Variants in EVI5L observed in about 807,000 individuals in gnomAD.
EVI5L encodes the protein EVI5-like protein.
Under a neutral mutation model 106.1 loss-of-function variants are expected in EVI5L, and 30 were observed. That is an observed-to-expected ratio of 0.28 (90% CI 0.21 to 0.38). EVI5L has a LOEUF of 0.38. Among genes scored for constraint, EVI5L ranks in the 10% least tolerant of loss-of-function variants. EVI5L has a pLI of 1.00. For missense variants in EVI5L, 809 were observed against 1,098.0 expected (o/e 0.74, Z 3.72); for synonymous variants, 489 against 483.3 (o/e 1.01, Z -0.15).
chr19:7,834,670 G>A (rs907817010), intron 1 of EVI5L, among the ~76,000 whole-genome samples: 6 of 152,160 alleles, frequency 3.9e-5, no homozygotes, highest in African/African-American at 1.4e-4. Context: ...CCAATAGTGG[G>A]CTAGACAGCC....
intron 1 of EVI5L, among the ~76,000 whole-genome samples, chr19:7,840,582 C>T (rs550303405): frequency 2.2e-4 from 33 of 152,342 alleles, no homozygotes; most frequent in African/African-American, 7.9e-4. Flanking sequence ...ATTTCTATCA[C>T]CCCAAAAAGA....
chr19:7,863,515 C>T lies in EVI5L; in HGVS notation c.2231C>T (p.Pro744Leu). 2 of 1,593,446 alleles carry T rather than the reference C, an allele frequency of 1.3e-6. No individual in the cohort carries two copies. The highest frequency in any genetic ancestry group is 2.3e-5 in the East Asian group (1 of 43,622). The change falls in exon 20 of 20, where the codon CCG becomes CTG. Residue 744 changes from proline to leucine, a missense_variant. Pro to Leu is a moderately conservative substitution (Grantham distance 98). This residue lies in a region of EVI5L where 452 missense variants were observed against 509.9 expected (regional missense o/e 0.89). Coordinates refer to ENST00000538904, the MANE Select transcript of EVI5L (RefSeq NM_001159944.3). This position sits in a 1 kb window ranked among gnomAD's most constrained non-coding sequence, Gnocchi z 7.7. ...LARHLDEDSL[P>L]SSDEELLGVG... ...CGGCACTTGGACGAGGACTCGCTGC[C>T]GTCGTCGGACGAGGAGCTACTTGGC...
At chr19:7,833,061 T>C (rs754212426) in intron 1 of EVI5L, among the ~76,000 whole-genome samples, 34 of 152,206 alleles carry the variant, frequency 2.2e-4, no homozygotes, top group Non-Finnish European at 3.7e-4. Context: ...CCAGGATGAC[T>C]GTGAACTCTA....
intron 10 of EVI5L, 190 bp downstream of exon 10, chr19:7,853,523 C>T (rs1232017593): frequency 2.8e-6 from 2 of 708,016 alleles, no homozygotes; most frequent in Admixed American, 2.8e-5. Context: ...GCGCCTCCCC[C>T]GCCTGACGCC....
intron 1 of EVI5L, among the ~76,000 whole-genome samples, chr19:7,839,252 G>A (rs916970366): frequency 6.7e-5 from 10 of 149,076 alleles, no homozygotes; most frequent in Middle Eastern, 3.8e-3. Context: ...GCAGTGAGCC[G>A]AGATCGCGCC....
rs369898478 is a variant in EVI5L, at chr19:7,851,629, G to A, written c.897+52G>A. On this transcript the variant is annotated intron_variant, in intron 7 of 19. Coordinates refer to ENST00000538904, the MANE Select transcript of EVI5L (RefSeq NM_001159944.3). ...GAAGAGAGCCCCTTGGGGGTGGTTG[G>A]AACAGGAGCCTCCCTGCCCTCCACC... is the stretch of plus-strand genomic sequence containing the variant. The A allele has an allele frequency of 2.5e-6, 4 of 1,594,634 alleles. No individual in the cohort carries two copies. The South Asian group carries it at 3.4e-5, about 14-fold the overall frequency.
chr19:7,852,407 G>A (rs1244336013), intron 8 of EVI5L, among the ~76,000 whole-genome samples: 2 of 152,070 alleles, frequency 1.3e-5, no homozygotes, highest in Non-Finnish European at 2.9e-5. Flanking sequence ...GTCCCCCCTG[G>A]GCTTACCTTA....
intron 1 of EVI5L, among the ~76,000 whole-genome samples, chr19:7,841,459 C>G (rs1345439779): frequency 1.3e-5 from 2 of 151,962 alleles, no homozygotes; most frequent in Non-Finnish European, 2.9e-5. Flanking sequence ...GCAGTGCCCC[C>G]GAGAGGGAAA....
chr19:7,847,759 G>A lies in EVI5L; in HGVS notation c.165G>A (p.Met55Ile). Residue 55 changes from methionine (M) to isoleucine (I), a missense_variant, in exon 3 of 20, where the codon ATG (methionine) becomes ATA (isoleucine). Met to Ile is a conservative substitution (Grantham distance 10). Around this residue, in one of 2 missense-constraint regions of EVI5L, gnomAD observed 357 missense variants for 588.1 expected, o/e 0.61. Coordinates refer to ENST00000538904, the MANE Select transcript of EVI5L (RefSeq NM_001159944.3). The stretch of plus-strand genomic sequence containing the variant: ...TCCTGGAGGCCGACTCCAAGTCCAT[G>A]CGCTCCATGAATGGCTCGCGGCGGA... ...NRLLEADSKS[M>I]RSMNGSRRNS... 1 of 1,613,520 alleles carries A rather than the reference G, an allele frequency of 6.2e-7. No homozygotes were observed. The highest frequency in any genetic ancestry group is 8.5e-7 in the Non-Finnish European group (1 of 1,179,840).
chr19:7,832,470 C>T (rs1000397185), intron 1 of EVI5L, among the ~76,000 whole-genome samples: 1 of 152,242 alleles, frequency 6.6e-6, no homozygotes, highest in Non-Finnish European at 1.5e-5. Context: ...AGTACCTCAA[C>T]TTCCCCATCG....
At chr19:7,842,732 T>C (rs1323785428) in intron 1 of EVI5L, among the ~76,000 whole-genome samples, 1 of 151,084 alleles carries the variant, frequency 6.6e-6, no homozygotes, top group African/African-American at 2.4e-5. Flanking sequence ...GTGTGTATTG[T>C]GTGCATGTGT....
At chr19:7,860,723 G>A in intron 14 of EVI5L, 34 bp downstream of exon 14, 2 of 1,542,090 alleles carry the variant, frequency 1.3e-6, no homozygotes, top group Non-Finnish European at 1.7e-6. Flanking sequence ...AGGTGTCGGG[G>A]GGACCCTGGG....
At chr19:7,849,597 G>A (rs964188671) in intron 5 of EVI5L, among the ~76,000 whole-genome samples, 2 of 152,200 alleles carry the variant, frequency 1.3e-5, no homozygotes, top group African/African-American at 4.8e-5. Context: ...CACATCTCAG[G>A]GTTGGACAGG....
chr19:7,862,909 C>G (rs561738303), intron 17 of EVI5L, 63 bp from the exon 18 acceptor site: 2 of 1,262,468 alleles, frequency 1.6e-6, no homozygotes, highest in African/African-American at 3.1e-5. Context: ...GCCCGCGGTC[C>G]CGCCCCCTGA....
chr19:7,856,901 C>T lies in EVI5L; in HGVS notation c.1201-191C>T. ...CACCGAACCCCTCTCCAGGACGGAG[C>T]TGGCTCTAGCTTTGGTCTTCCTCCG... is the stretch of plus-strand genomic sequence containing the variant. On this transcript the variant is annotated intron_variant, in intron 11 of 19. Coordinates refer to ENST00000538904, the MANE Select transcript of EVI5L (RefSeq NM_001159944.3). This position sits in a 1 kb window ranked among gnomAD's most constrained non-coding sequence, Gnocchi z 6.6. The T allele has an allele frequency of 1.4e-6, 1 of 717,754 alleles. No homozygotes were observed. The highest frequency in any genetic ancestry group is 1.5e-5 in the South Asian group (1 of 67,264). 44.5% of individuals were successfully genotyped at this position (717,754 alleles called of 1,614,324 possible). A position where few individuals can be genotyped will look rare whatever the true frequency, so the allele number is the denominator to read the frequency against.
At chr19:7,844,586 T>C (rs1399142205) in intron 1 of EVI5L, among the ~76,000 whole-genome samples, 1 of 152,162 alleles carries the variant, frequency 6.6e-6, no homozygotes, top group Non-Finnish European at 1.5e-5. Flanking sequence ...AGCCCCCGTC[T>C]CTGTCCGGGC....
At chr19:7,853,645 A>AC in intron 10 of EVI5L, 1 of 423,434 alleles carries the variant, frequency 2.4e-6, no homozygotes, top group Non-Finnish European at 4.4e-6. Flanking sequence ...CTGGACAAGG[A>AC]TGTGCACGCG....
chr19:7,844,720 G>T (rs1978874296), intron 1 of EVI5L, among the ~76,000 whole-genome samples: 1 of 152,192 alleles, frequency 6.6e-6, no homozygotes, highest in African/African-American at 2.4e-5. Context: ...GGCCCACTTG[G>T]CAATGAGAGT....
chr19:7,830,638 C>T (rs1339999908), intron 1 of EVI5L, among the ~76,000 whole-genome samples: 1 of 148,744 alleles, frequency 6.7e-6, no homozygotes, highest in Non-Finnish European at 1.5e-5. Flanking sequence ...CATGAGGACC[C>T]CGCAGGCCCA....
Sources: gnomAD v4.1 joint callset for allele counts (sites outside exome capture counted in the v4.1 genomes callset) on GRCh38, gnomAD v4.1.1 for gene constraint, gnomAD v4.1.1 regional missense constraint, Gnocchi (gnomAD v3.1) non-coding constraint, MANE v1.5 for transcripts, NCBI Gene and HGNC (gene_info 2026-07-23, HGNC 2026-07-21) for gene names.